GPC5: variants seen among roughly 807,000 people sequenced by gnomAD.
The protein encoded by GPC5 is glypican-5.
In GPC5, 47 loss-of-function variants were observed where a neutral mutation model predicts 53.9. That is an observed-to-expected ratio of 0.87 (90% CI 0.69 to 1.11). GPC5 has a LOEUF of 1.11. Among genes scored for constraint, GPC5 ranks in the 50% most tolerant of loss-of-function variants. GPC5 has a pLI of 0.00. For synonymous variants in GPC5, 286 were observed against 263.3 expected, an observed-to-expected ratio of 1.09 and a Z score of -0.84; for missense variants, 748 against 713.1, an observed-to-expected ratio of 1.05 and a Z score of -0.56.
intron 7 of GPC5, among the ~76,000 whole-genome samples, chr13:92,720,803 G>T (rs574710765): frequency 2.6e-5 from 4 of 151,988 alleles, no homozygotes; most frequent in Non-Finnish European, 5.9e-5. Flanking sequence ...TTGTGCAAAG[G>T]GTGTGTATTT....
chr13:92,440,223 A>G (rs1044939563), intron 7 of GPC5, among the ~76,000 whole-genome samples: 1 of 152,162 alleles, frequency 6.6e-6, no homozygotes, highest in Admixed American at 6.5e-5. Context: ...ATAGTACCCA[A>G]TAGGTAGTTT....
intron 1 of GPC5, among the ~76,000 whole-genome samples, chr13:91,447,623 G>A (rs569995703): frequency 2.0e-5 from 3 of 152,194 alleles, no homozygotes; most frequent in African/African-American, 7.2e-5. Context: ...TGAGACCTGA[G>A]GCCAACTCTG....
chr13:92,124,850 A>G (rs563930798), intron 6 of GPC5, among the ~76,000 whole-genome samples: 88 of 152,298 alleles, frequency 5.8e-4, no homozygotes, highest in Non-Finnish European at 5.9e-4. Flanking sequence ...TAATGGTGGG[A>G]TGGGTGGCTT....
At chr13:92,333,969 A>G (rs576356028) in intron 7 of GPC5, among the ~76,000 whole-genome samples, 25 of 152,192 alleles carry the variant, frequency 1.6e-4, no homozygotes, top group Non-Finnish European at 3.1e-4. Flanking sequence ...AAACAAAAAA[A>G]CCAAATACTA....
At chr13:91,814,328 C>T (rs926899962) in intron 5 of GPC5, among the ~76,000 whole-genome samples, 1 of 152,122 alleles carries the variant, frequency 6.6e-6, no homozygotes, top group Non-Finnish European at 1.5e-5. Context: ...TGATGTCTCT[C>T]TCTGTATACA....
chr13:92,663,280 A>G (rs1437362832), intron 7 of GPC5, among the ~76,000 whole-genome samples: 3 of 151,946 alleles, frequency 2.0e-5, no homozygotes, highest in African/African-American at 7.3e-5. Context: ...AGAACATGAA[A>G]TTTTTCAGGA....
At chr13:91,914,000 G>A (rs1016339650) in intron 6 of GPC5, among the ~76,000 whole-genome samples, 2 of 152,146 alleles carry the variant, frequency 1.3e-5, no homozygotes, top group Admixed American at 6.5e-5. Flanking sequence ...TCTGATTGAG[G>A]AAATGCGAGA....
At chr13:91,793,587 C>T (rs556585657) in intron 5 of GPC5, among the ~76,000 whole-genome samples, 2 of 152,150 alleles carry the variant, frequency 1.3e-5, no homozygotes, top group Non-Finnish European at 2.9e-5. Flanking sequence ...CACTGAGCAT[C>T]TGTTATCCCC....
chr13:91,791,249 G>T (rs2037959434), intron 5 of GPC5, among the ~76,000 whole-genome samples: 1 of 152,186 alleles, frequency 6.6e-6, no homozygotes, highest in South Asian at 2.1e-4. Flanking sequence ...AGGAACCTGG[G>T]CTCATATTGG....
At chr13:91,983,324 C>A (rs142256681) in intron 6 of GPC5, among the ~76,000 whole-genome samples, 2 of 148,954 alleles carry the variant, frequency 1.3e-5, no homozygotes, top group Admixed American at 6.7e-5. Context: ...TCAGCCTGGG[C>A]GACAGAGCCA....
chr13:91,489,309 G>A (rs1883797161), intron 2 of GPC5, among the ~76,000 whole-genome samples: 1 of 152,080 alleles, frequency 6.6e-6, no homozygotes, highest in Admixed American at 6.6e-5. Context: ...GGAACCTACT[G>A]ACATGTGATG....
intron 7 of GPC5, among the ~76,000 whole-genome samples, chr13:92,525,890 A>G (rs958610712): frequency 6.6e-6 from 1 of 152,092 alleles, no homozygotes; most frequent in Non-Finnish European, 1.5e-5. Context: ...TTTCTTAGGC[A>G]CAATGTTTAC....
At position 92,385,409 on chromosome 13, in the gene GPC5, C is replaced by CATATATAT. The variant is rs1566567343; in HGVS notation, c.1561+240421_1561+240422insTATATATA. 7.6e-4 allele frequency among the ~76,000 whole-genome samples: 52 copies of CATATATAT among 68,488 alleles called. 1 individual carries two copies. The highest frequency in any genetic ancestry group is 1.8e-3 in the East Asian group (5 of 2,746). 44.9% of individuals were successfully genotyped at this position (68,488 alleles called of 152,430 possible). On this transcript the variant is annotated intron_variant, in intron 7 of 7. Transcript: ENST00000377067. The stretch of plus-strand genomic sequence containing the variant: ...ATATATACATATATACACATATATA[C>CATATATAT]ACATATATATACATATATACATATA...
intron 7 of GPC5, among the ~76,000 whole-genome samples, chr13:92,479,499 G>A (rs1322059625): frequency 6.6e-6 from 1 of 152,148 alleles, no homozygotes; most frequent in African/African-American, 2.4e-5. Flanking sequence ...GAGAATTCAG[G>A]TGATGAAGTA....
chr13:92,835,303 C>T (rs1049094720), intron 7 of GPC5, among the ~76,000 whole-genome samples: 6 of 151,880 alleles, frequency 4.0e-5, no homozygotes, highest in Non-Finnish European at 7.4e-5. Context: ...TTTCTGACTT[C>T]GATACCGCAT....
chr13:92,656,896 C>A (rs1886155510), intron 7 of GPC5, among the ~76,000 whole-genome samples: 1 of 152,214 alleles, frequency 6.6e-6, no homozygotes, highest in Non-Finnish European at 1.5e-5. Context: ...TTCAACGCTG[C>A]AGTGAGCAAC....
At chr13:91,507,422 T>C (rs987570450) in intron 2 of GPC5, among the ~76,000 whole-genome samples, 36 of 152,160 alleles carry the variant, frequency 2.4e-4, no homozygotes, top group African/African-American at 8.2e-4. Context: ...CTAACAATCA[T>C]GGCGGAAGGC....
rs530762300 is a variant in GPC5 at position 92,554,167 on chromosome 13, A to G, written c.1562-312115A>G. Reference sequence around the variant, plus strand: ...TGCTCACATTTGATAACAAAGGTGGAAGTTGTACATTTCAAATAGTTTACA... The same window carrying G: ...TGCTCACATTTGATAACAAAGGTGGGAGTTGTACATTTCAAATAGTTTACA... On this transcript the variant is annotated intron_variant, in intron 7 of 7. Transcript: ENST00000377067. 3.4e-4 allele frequency among the ~76,000 whole-genome samples: 52 copies of G among 152,040 alleles called. 1 individual carries two copies. In the South Asian group the frequency reaches 0.01, roughly 30 times the overall value.
At chr13:92,196,159 T>TG (rs1169554749) in intron 7 of GPC5, among the ~76,000 whole-genome samples, 4 of 152,020 alleles carry the variant, frequency 2.6e-5, no homozygotes, top group African/African-American at 9.7e-5. Context: ...TGTATCCCCT[T>TG]GAAAAAAAAG....
Sources: gnomAD v4.1 joint callset for allele counts (sites outside exome capture counted in the v4.1 genomes callset) on GRCh38, gnomAD v4.1.1 for gene constraint, MANE v1.5 for transcripts, NCBI Gene and HGNC (gene_info 2026-07-23, HGNC 2026-07-21) for gene names.